The following TMOD1 variants were observed in gnomAD, a reference collection of about 807,000 sequenced individuals.
The protein encoded by TMOD1 is tropomodulin 1.
In TMOD1, 17 loss-of-function variants were observed where a neutral mutation model predicts 40.6. The observed-to-expected ratio is 0.42, with a 90% confidence interval of 0.29 to 0.63. The LOEUF (loss-of-function observed/expected upper bound fraction) is 0.63. TMOD1 is among the 20% of genes least tolerant of loss of function. The probability of loss-of-function intolerance (pLI) is 0.22; values close to 1 mark genes in which losing one functional copy is unlikely to be tolerated. For synonymous variants in TMOD1, 181 were observed against 175.0 expected, an observed-to-expected ratio of 1.03 and a Z score of -0.27; for missense variants, 391 against 447.6, an observed-to-expected ratio of 0.87 and a Z score of 1.14.
At chr9:97,593,786 G>T (rs980477724) in intron 9 of TMOD1, among the ~76,000 whole-genome samples, 1 of 152,080 alleles carries the variant, frequency 6.6e-6, no homozygotes, top group African/African-American at 2.4e-5. Flanking sequence ...GATGGAGGAG[G>T]TCTAGAGGCA....
chr9:97,588,989 C>A (rs149751715), intron 8 of TMOD1, among the ~76,000 whole-genome samples: 1 of 151,292 alleles, frequency 6.6e-6, no homozygotes, highest in African/African-American at 2.4e-5. Flanking sequence ...TGGTGGCATG[C>A]GCCTGTAATC....
intron 8 of TMOD1, among the ~76,000 whole-genome samples, chr9:97,590,663 T>C (rs763701528): frequency 3.9e-5 from 6 of 152,040 alleles, no homozygotes; most frequent in Non-Finnish European, 5.9e-5. Flanking sequence ...CTTTGTCAGA[T>C]GATCACTATA....
intron 2 of TMOD1, among the ~76,000 whole-genome samples, chr9:97,531,137 G>A (rs1830097879): frequency 6.7e-6 from 1 of 148,486 alleles, no homozygotes; most frequent in South Asian, 2.1e-4. Context: ...CAGGTGCTAT[G>A]CTAAGCATTT....
At chr9:97,532,139 A>G (rs1385751153) in intron 2 of TMOD1, among the ~76,000 whole-genome samples, 1 of 152,212 alleles carries the variant, frequency 6.6e-6, no homozygotes, top group African/African-American at 2.4e-5. Context: ...CAAGCCCAGG[A>G]CAGAAGTAAA....
At chr9:97,548,280 G>A (rs1344259232) in intron 3 of TMOD1, among the ~76,000 whole-genome samples, 3 of 152,158 alleles carry the variant, frequency 2.0e-5, no homozygotes, top group African/African-American at 7.2e-5. Context: ...CATAAAATGA[G>A]TACGCACATG....
intron 4 of TMOD1, among the ~76,000 whole-genome samples, chr9:97,559,819 ATATATGTCTATCTATCTATC>A (rs1266524164): frequency 2.7e-4 from 11 of 41,326 alleles, no homozygotes; most frequent in South Asian, 2.5e-3. Flanking sequence ...ATATATATAT[ATATATGTCTATCTATCTATC>A]TATCTATCTA....
In TMOD1 at chr9:97,595,163, GAATAC is replaced by G. The variant is rs553483897; in HGVS notation, c.1015+3732_1015+3736del. 8.5e-5 allele frequency among the ~76,000 whole-genome samples: 13 copies of G among 152,318 alleles called. No homozygotes were observed. In the South Asian group the frequency reaches 2.5e-3, roughly 29 times the overall value. ...GATACAAAGTGCTGTTATGATTTAT[GAATAC>G]AATGTGGAAAAATTAAATTAAGTGA... is the stretch of plus-strand genomic sequence containing the variant. On this transcript the variant is annotated intron_variant, in intron 9 of 9. Coordinates refer to ENST00000259365, the MANE Select transcript of TMOD1 (RefSeq NM_003275.4).
intron 8 of TMOD1, among the ~76,000 whole-genome samples, chr9:97,574,024 A>C (rs971633781): frequency 6.6e-6 from 1 of 152,206 alleles, no homozygotes; most frequent in Non-Finnish European, 1.5e-5. Context: ...TTGACCAGAA[A>C]GACCTCTGTA....
At chr9:97,504,588 C>G (rs986499555) in intron 1 of TMOD1, among the ~76,000 whole-genome samples, 1 of 152,120 alleles carries the variant, frequency 6.6e-6, no homozygotes. Context: ...CTGCAGGTGG[C>G]CTTCATCCCC....
chr9:97,540,370 G>A (rs1186466788), intron 2 of TMOD1, among the ~76,000 whole-genome samples: 1 of 152,238 alleles, frequency 6.6e-6, no homozygotes, highest in East Asian at 1.9e-4. Flanking sequence ...GGAAGGAGGT[G>A]TTGCAGCAGC....
chr9:97,546,620 T>A (rs1830363777), intron 3 of TMOD1, among the ~76,000 whole-genome samples: 1 of 152,196 alleles, frequency 6.6e-6, no homozygotes, highest in Non-Finnish European at 1.5e-5. Context: ...CCTGATTATT[T>A]TTTTACGCAA....
Position 97,509,258 on chromosome 9 carries a change from G to T in TMOD1, c.-49+7455G>T, listed in dbSNP as rs367564100. Among the ~76,000 whole-genome samples, 335 of 152,264 alleles carry T rather than the reference G, an allele frequency of 2.2e-3. 12 individuals carry two copies. In the South Asian group the frequency reaches 0.066, roughly 30 times the overall value. On this transcript the variant is annotated intron_variant, in intron 1 of 9. Transcript: ENST00000259365. The stretch of plus-strand genomic sequence containing the variant: ...CATCTGTAAAATGGGGATAATAAAA[G>T]TATCTGCTTCACAATTATTAAGACT...
In TMOD1 at chr9:97,557,724, G is replaced by A. The variant is rs575187500; in HGVS notation, c.397+4324G>A. Among the ~76,000 whole-genome samples, 9 of 152,330 alleles carry A rather than the reference G, an allele frequency of 5.9e-5. No homozygotes were observed. The South Asian group carries it at 6.2e-4, about 11-fold the overall frequency. On this transcript the variant is annotated intron_variant, in intron 4 of 9. Coordinates refer to ENST00000259365, the MANE Select transcript of TMOD1 (RefSeq NM_003275.4). The surrounding 1 kb of genome is among the most constrained non-coding windows in gnomAD (Gnocchi z 4.4). Reference sequence around the variant, plus strand: ...CGAGCAGCTGGCAGCAGGAGGAGCCGGGGATGTGTGCTGTTATCTCTCTGC... The same window carrying A: ...CGAGCAGCTGGCAGCAGGAGGAGCCAGGGATGTGTGCTGTTATCTCTCTGC...
At chr9:97,576,629 C>CTTTTTTTT (rs11326860) in intron 8 of TMOD1, among the ~76,000 whole-genome samples, 2 of 144,580 alleles carry the variant, frequency 1.4e-5, no homozygotes, top group Non-Finnish European at 1.5e-5. Context: ...ATGATGGTTA[C>CTTTTTTTT]TTTTTTTTTT....
chr9:97,501,568 C>T (rs1587904868), upstream of TMOD1: 1 of 149,712 alleles, frequency 6.7e-6, no homozygotes, highest in Middle Eastern at 3.5e-3. Flanking sequence ...AGGAGGGAGC[C>T]GGCGGCGGGC....
Position 97,568,960 on chromosome 9 carries a change from T to G in TMOD1, c.793T>G (p.Ser265Ala). The stretch of plus-strand genomic sequence containing the variant: ...ACTGAATGTGGAATCCAACTTCATT[T>G]CTGGAGCTGGGATTCTGCGCCTGGT... ...KTLNVESNFISGAGILRLVEA... is the reference protein window; with the variant it reads ...KTLNVESNFIAGAGILRLVEA... The change falls in exon 8 of 10, where the codon TCT becomes GCT. Residue 265 changes from serine (S) to alanine (A), a missense_variant. Physicochemically the swap from Ser to Ala is moderately conservative, Grantham distance 99. Coordinates refer to ENST00000259365, the MANE Select transcript of TMOD1 (RefSeq NM_003275.4). The G allele has an allele frequency of 6.2e-7, 1 of 1,614,178 alleles. No homozygotes were observed. The highest frequency in any genetic ancestry group is 8.5e-7 in the Non-Finnish European group (1 of 1,180,000).
intron 8 of TMOD1, among the ~76,000 whole-genome samples, chr9:97,587,460 CTG>C (rs1354601275): frequency 6.6e-6 from 1 of 152,076 alleles, no homozygotes; most frequent in African/African-American, 2.4e-5. Context: ...ATTTGCATTT[CTG>C]TGATAGGTCA....
In TMOD1 at chr9:97,568,912, A is replaced by C; in HGVS notation, c.745A>C (p.Lys249Gln). The C allele has an allele frequency of 6.2e-7, 1 of 1,614,102 alleles. No individual in the cohort carries two copies. Among genetic ancestry groups the C allele is most frequent in the Non-Finnish European group, 8.5e-7 (1 of 1,179,998 alleles). The change falls in exon 8 of 10, where the codon AAG becomes CAG. Residue 249 changes from lysine to glutamine, a missense_variant. By Grantham distance (53) the Lys-to-Gln change is moderately conservative. Coordinates refer to ENST00000259365, the MANE Select transcript of TMOD1 (RefSeq NM_003275.4). ...PVAYALAEML[K>Q]ENKVLKTLNV... ...CTTCAAGGCCCTTGCTGAGATGCTC[A>C]AGGAGAACAAGGTGTTGAAGACACT...
At chr9:97,565,266 T>C (rs1830709222) in intron 6 of TMOD1, among the ~76,000 whole-genome samples, 1 of 152,166 alleles carries the variant, frequency 6.6e-6, no homozygotes, top group Admixed American at 6.5e-5. Context: ...AAAAAATATA[T>C]ACCAACGCCC....
Sources: gnomAD v4.1 joint callset for allele counts (sites outside exome capture counted in the v4.1 genomes callset) on GRCh38, gnomAD v4.1.1 for gene constraint, Gnocchi (gnomAD v3.1) non-coding constraint, MANE v1.5 for transcripts, NCBI Gene and HGNC (gene_info 2026-07-23, HGNC 2026-07-21) for gene names.